The following RIC3 variants were observed in gnomAD, a reference collection of about 807,000 sequenced individuals.
RIC3 encodes protein RIC-3.
RIC3 carries 28 observed loss-of-function variants against 27.3 expected under a neutral mutation model. The observed-to-expected ratio is 1.02, with a 90% CI of 0.76 to 1.41. The LOEUF (loss-of-function observed/expected upper bound fraction) is 1.41. Among genes scored for constraint, RIC3 ranks in the 40% most tolerant of loss-of-function variants. The probability of loss-of-function intolerance (pLI) is 0.00; values close to 1 mark genes in which losing one functional copy is unlikely to be tolerated. For missense variants in RIC3, 501 were observed against 444.7 expected (o/e 1.13, Z -1.14); for synonymous variants, 184 against 160.4 (o/e 1.15, Z -1.11).
At chr11:8,141,760 T>C (rs1459012750) in intron 1 of RIC3, among the ~76,000 whole-genome samples, 1 of 152,148 alleles carries the variant, frequency 6.6e-6, no homozygotes, top group Non-Finnish European at 1.5e-5. Context: ...TATTCCAAAA[T>C]TGACCACATA....
chr11:8,158,294 A>G (rs1389557722), intron 1 of RIC3, among the ~76,000 whole-genome samples: 1 of 152,182 alleles, frequency 6.6e-6, no homozygotes, highest in Admixed American at 6.5e-5. Flanking sequence ...CCACAGGAAC[A>G]GGGCCACTGG....
intron 1 of RIC3, among the ~76,000 whole-genome samples, chr11:8,167,295 T>C (rs1951781151): frequency 2.0e-5 from 3 of 152,134 alleles, no homozygotes; most frequent in Admixed American, 6.6e-5. Context: ...CCATATCATA[T>C]AGTGATGCCT....
downstream of RIC3, chr11:8,104,865 G>C (rs188605519): frequency 6.6e-6 from 1 of 151,640 alleles, no homozygotes; most frequent in East Asian, 1.9e-4. Context: ...GAAGCTATAA[G>C]AGAACTTTCG....
intron 5 of RIC3, among the ~76,000 whole-genome samples, chr11:8,126,243 T>A (rs949540573): frequency 9.2e-5 from 14 of 152,194 alleles, no homozygotes; most frequent in Non-Finnish European, 7.3e-5. Context: ...GGTATAAGTA[T>A]ATAACTGACT....
intron 1 of RIC3, among the ~76,000 whole-genome samples, chr11:8,165,153 T>G (rs1048921669): frequency 1.3e-5 from 2 of 152,138 alleles, no homozygotes; most frequent in African/African-American, 2.4e-5. Flanking sequence ...CACGCTTAGT[T>G]CCAGCCACAC....
the RIC3 span, chr11:8,100,591 G>A: frequency 3.0e-5 from 48 of 1,613,708 alleles, no homozygotes; most frequent in African/African-American, 5.3e-5. Context: ...GTCTCTATCC[G>A]CCCCCGCAAC....
chr11:8,117,941 G>A (rs1254025634), intron 5 of RIC3, among the ~76,000 whole-genome samples: 1 of 152,066 alleles, frequency 6.6e-6, no homozygotes, highest in Non-Finnish European at 1.5e-5. Flanking sequence ...ACATCATTAA[G>A]GCTGGGCACG....
rs1945005173 is a variant in RIC3 at position 8,109,383 on chromosome 11, C to A, written c.*1315G>T. The A allele has an allele frequency of 6.6e-6, 1 of 152,154 alleles. No homozygotes were observed. Among genetic ancestry groups the A allele is most frequent in the South Asian group, 2.1e-4 (1 of 4,816 alleles). The allele number at this position is 152,154 out of a possible 1,614,324, so 9.4% of individuals were successfully genotyped here. On this transcript the variant is annotated 3_prime_UTR_variant, in exon 6 of 6. Transcript: ENST00000309737. ...TACATGTAAACTGAATTCACACATA[C>A]CTCATGATGTAATTCATGGGTGCTA...
chr11:8,126,221 C>G (rs1946976093), intron 5 of RIC3, among the ~76,000 whole-genome samples: 2 of 152,018 alleles, frequency 1.3e-5, no homozygotes, highest in East Asian at 3.9e-4. Flanking sequence ...GGTGAATGGA[C>G]AAACAAATTA....
At chr11:8,150,788 C>A (rs761338385) in intron 1 of RIC3, among the ~76,000 whole-genome samples, 17 of 152,270 alleles carry the variant, frequency 1.1e-4, no homozygotes, top group Non-Finnish European at 2.4e-4. Context: ...ACAATATATT[C>A]TTGAGAAATG....
intron 1 of RIC3, among the ~76,000 whole-genome samples, chr11:8,140,472 C>A (rs1411961171): frequency 6.6e-6 from 1 of 152,136 alleles, no homozygotes; most frequent in Non-Finnish European, 1.5e-5. Context: ...AAACTGAGTT[C>A]CAACCAAGGA....
chr11:8,098,832 T>G, the RIC3 span: 1 of 1,614,130 alleles, frequency 6.2e-7, no homozygotes, highest in Non-Finnish European at 8.5e-7. Context: ...TCCTCCACTT[T>G]GGAAAGTGGA....
intron 3 of RIC3, 70 bp from the exon 4 acceptor site, chr11:8,137,541 T>G: frequency 8.0e-7 from 1 of 1,255,030 alleles, no homozygotes; most frequent in Non-Finnish European, 1.1e-6. Context: ...GACCACAAAT[T>G]TTTAAAAAGC....
Position 8,110,349 on chromosome 11 carries a change from G to A in RIC3, c.*349C>T. ...TCTGTAAGCTGATGTTCGTTCACAG[G>A]TGAACTATCTGTTACACCTACCAGG... On this transcript the variant is annotated 3_prime_UTR_variant, in exon 6 of 6. Transcript: ENST00000309737. The A allele has an allele frequency of 2.6e-6, 1 of 384,876 alleles. No homozygotes were observed. Among genetic ancestry groups the A allele is most frequent in the Non-Finnish European group, 4.9e-6 (1 of 202,148 alleles). 23.8% of individuals were successfully genotyped at this position (384,876 alleles called of 1,614,324 possible). A position where few individuals can be genotyped will look rare whatever the true frequency, so the allele number is the denominator to read the frequency against.
chr11:8,098,733 T>C, the RIC3 span: 80 of 1,559,130 alleles, frequency 5.1e-5, no homozygotes, highest in Non-Finnish European at 6.8e-5. Flanking sequence ...TGCATGACTC[T>C]ATACTGATTG....
the RIC3 span, chr11:8,100,520 C>T: frequency 2.3e-5 from 37 of 1,613,992 alleles, no homozygotes; most frequent in Non-Finnish European, 2.9e-5. Flanking sequence ...ACGTCTTAGG[C>T]TTCAAGGGGC....
chr11:8,168,085 T>C (rs1447717625), intron 1 of RIC3, among the ~76,000 whole-genome samples: 1 of 152,184 alleles, frequency 6.6e-6, no homozygotes, highest in Non-Finnish European at 1.5e-5. Flanking sequence ...ATTACAAGGA[T>C]AATTTACAGG....
chr11:8,146,477 A>G (rs1346882338), intron 1 of RIC3, among the ~76,000 whole-genome samples: 1 of 152,238 alleles, frequency 6.6e-6, no homozygotes, highest in East Asian at 1.9e-4. Context: ...GCACTAACAA[A>G]GTTAATAAAA....
the RIC3 span, among the ~76,000 whole-genome samples, chr11:8,095,171 G>GA: frequency 1.3e-5 from 2 of 152,166 alleles, no homozygotes; most frequent in Non-Finnish European, 2.9e-5. Context: ...CTATGGTCTG[G>GA]ATCAGTCCTT....
Sources: gnomAD v4.1 joint callset for allele counts (sites outside exome capture counted in the v4.1 genomes callset) on GRCh38, gnomAD v4.1.1 for gene constraint, MANE v1.5 for transcripts, NCBI Gene and HGNC (gene_info 2026-07-23, HGNC 2026-07-21) for gene names.